SYT12: variants seen among roughly 807,000 people sequenced by gnomAD.
The protein encoded by SYT12 is synaptotagmin 12.
SYT12 carries 27 observed loss-of-function variants against 39.5 expected under a neutral mutation model. The ratio of observed to expected loss-of-function variants is 0.68; its 90% CI spans 0.50 to 0.94. SYT12 has a LOEUF of 0.94. Among genes scored for constraint, SYT12 ranks in the 40% least tolerant of loss-of-function variants. SYT12 has a pLI of 0.00. For synonymous variants in SYT12, 233 were observed against 239.7 expected (o/e 0.97, Z 0.26); for missense variants, 536 against 572.6 (o/e 0.94, Z 0.65).
chr11:67,048,772 C>A lies in SYT12; in HGVS notation c.*15C>A. 6.3e-7 allele frequency: 1 copy of A among 1,586,492 alleles called. No homozygotes were observed. Among genetic ancestry groups the A allele is most frequent in the South Asian group, 1.1e-5 (1 of 90,482 alleles). ...GGCGAAACTAGCAACCAGGGCGGGC[C>A]AGTTGGGCAATGGAGCTGCTGGAGC... On this transcript the variant is annotated 3_prime_UTR_variant, in exon 8 of 8. Coordinates refer to ENST00000527043, the MANE Select transcript of SYT12 (RefSeq NM_177963.4).
intron 2 of SYT12, among the ~76,000 whole-genome samples, chr11:67,033,106 G>A (rs1381433738): frequency 1.3e-5 from 2 of 152,022 alleles, no homozygotes; most frequent in East Asian, 1.9e-4. Flanking sequence ...GGGCTTCAGG[G>A]CAGCAGTGAT....
chr11:67,050,402 G>A lies in SYT12; in HGVS notation c.*1645G>A, dbSNP rs1467650341. On this transcript the variant is annotated 3_prime_UTR_variant, in exon 8 of 8. Transcript: ENST00000527043. ...TGCCCCTGTTCCTTGGTCCATAACT[G>A]GTGAGCTATGGAGACCCAGGCCAAC... The A allele has an allele frequency of 6.6e-6, 1 of 152,546 alleles. No homozygotes were observed. The highest frequency in any genetic ancestry group is 1.5e-5 in the Non-Finnish European group (1 of 68,298). The allele number at this position is 152,546 out of a possible 1,614,324, so 9.4% of individuals were successfully genotyped here. A position where few individuals can be genotyped will look rare whatever the true frequency, so the allele number is the denominator to read the frequency against.
In SYT12 at chr11:67,048,572, C is replaced by T. The variant is rs773260568; in HGVS notation, c.1093-12C>T. 6.3e-7 allele frequency: 1 copy of T among 1,588,720 alleles called. No homozygotes were observed. ...CCCCTGGTCCTCAGCACCCATGTTGCCTCTTCCTCAGGACCTGTCTCTCCG... is the reference window on the plus strand; with the variant it reads ...CCCCTGGTCCTCAGCACCCATGTTGTCTCTTCCTCAGGACCTGTCTCTCCG... On this transcript the variant is annotated splice_polypyrimidine_tract_variant and intron_variant, in intron 7 of 7. Coordinates refer to ENST00000527043, the MANE Select transcript of SYT12 (RefSeq NM_177963.4).
In SYT12 at chr11:67,017,300, TC is replaced by T. The variant is rs1950065787; in HGVS notation, c.-68-4568del. On this transcript the variant is annotated intron_variant, in intron 3 of 10. Transcript: ENST00000393946. ...ACTTTGGGAGGCGGAGGCAGAAAGA[TC>T]ATTTGAGCCCGGGAGTTCAAGACCA... 2.0e-5 allele frequency among the ~76,000 whole-genome samples: 3 copies of T among 151,646 alleles called. No homozygotes were observed. The South Asian group carries it at 6.2e-4, about 32-fold the overall frequency.
rs561827185 is a variant in SYT12, at chr11:67,034,785, T to C, written c.175T>C (p.Tyr59His). Reference protein sequence around the residue: ...PSPSPFPNYDYRYLQQKYGES... With the variant: ...PSPSPFPNYDHRYLQQKYGES... ...CCCCTCTCCGTTCCCCAATTACGAC[T>C]ACAGGTACCTTCAGCAGAAGTACGG... The change falls in exon 3 of 8, where the codon TAC becomes CAC. Residue 59 changes from tyrosine to histidine, a missense_variant. Physicochemically the swap from Tyr to His is moderately conservative, Grantham distance 83. Transcript: ENST00000527043. 3.1e-6 allele frequency: 5 copies of C among 1,595,576 alleles called. No individual in the cohort carries two copies. The highest frequency in any genetic ancestry group is 4.3e-6 in the Non-Finnish European group (5 of 1,173,392).
intron 1 of SYT12, among the ~76,000 whole-genome samples, chr11:67,009,218 C>T (rs1006670140): frequency 3.3e-5 from 5 of 151,834 alleles, no homozygotes; most frequent in Admixed American, 3.3e-4. Flanking sequence ...GTTGTCTAGG[C>T]TGGTCCTGAA....
chr11:67,032,468 A>T (rs1243707449), intron 2 of SYT12: 1 of 152,220 alleles, frequency 6.6e-6, no homozygotes, highest in Non-Finnish European at 1.5e-5. Context: ...TTCCAAACGG[A>T]GTATGAAGCC....
intron 3 of SYT12, among the ~76,000 whole-genome samples, chr11:67,038,158 T>TATTC (rs1332480573): frequency 4.8e-4 from 73 of 150,842 alleles, no homozygotes; most frequent in African/African-American, 1.6e-3. Context: ...TTTATTTATT[T>TATTC]ATTTATTTAT....
intron 4 of SYT12, among the ~76,000 whole-genome samples, chr11:67,043,167 C>T (rs537035501): frequency 4.6e-5 from 7 of 152,308 alleles, no homozygotes; most frequent in African/African-American, 4.8e-5. Flanking sequence ...GGCCCAACCT[C>T]GCCTAGTCCT....
At chr11:67,035,919 C>G (rs1463556097) in intron 3 of SYT12, among the ~76,000 whole-genome samples, 1 of 103,684 alleles carries the variant, frequency 9.6e-6, no homozygotes, top group Non-Finnish European at 1.9e-5. Flanking sequence ...TCCTTCCTTT[C>G]TTTTCTTTCT....
intron 3 of SYT12, among the ~76,000 whole-genome samples, chr11:67,013,378 G>A (rs1433334635): frequency 1.3e-5 from 2 of 152,130 alleles, no homozygotes; most frequent in Non-Finnish European, 2.9e-5. Context: ...TCCTCAGGGC[G>A]CTGGTGCTCA....
intron 1 of SYT12, 77 bp from the exon 2 acceptor site, chr11:67,030,045 G>T: frequency 7.2e-7 from 1 of 1,387,726 alleles, no homozygotes; most frequent in South Asian, 1.2e-5. Context: ...AGGCACGTGG[G>T]TGCCAGGAGG....
intron 3 of SYT12, among the ~76,000 whole-genome samples, chr11:67,039,367 T>C (rs1188799118): frequency 6.6e-6 from 1 of 151,564 alleles, no homozygotes; most frequent in Non-Finnish European, 1.5e-5. Context: ...TCCCAGCACT[T>C]TGGGAGGCCG....
intron 3 of SYT12, among the ~76,000 whole-genome samples, chr11:67,012,000 T>C (rs1256585141): frequency 6.6e-6 from 1 of 150,884 alleles, no homozygotes; most frequent in Admixed American, 6.6e-5. Flanking sequence ...CCTGACCTTG[T>C]GATCCACCCA....
intron 3 of SYT12, among the ~76,000 whole-genome samples, chr11:67,035,880 TTCCC>T (rs1175391275): frequency 3.6e-4 from 41 of 115,350 alleles, no homozygotes; most frequent in African/African-American, 1.2e-3. Context: ...CTTTCTTTCT[TTCCC>T]TCCCTCCCTC....
Position 67,043,872 on chromosome 11 carries a change from C to T in SYT12, c.837+19C>T, listed in dbSNP as rs368528977. 9 of 1,610,946 alleles carry T rather than the reference C, an allele frequency of 5.6e-6. No individual in the cohort carries two copies. Among genetic ancestry groups the T allele is most frequent in the East Asian group, 2.2e-5 (1 of 44,886 alleles). On this transcript the variant is annotated intron_variant, in intron 5 of 7. Transcript: ENST00000527043. Reference sequence around the variant, plus strand: ...GAACAAGGTAAGTGACTTGCCTGCTCGTCCACCTCGGAAGAGCGTGCACAC... The same window carrying T: ...GAACAAGGTAAGTGACTTGCCTGCTTGTCCACCTCGGAAGAGCGTGCACAC...
Position 67,043,775 on chromosome 11 carries a change from G to A in SYT12, c.759G>A (p.Val253=). ...ATGAGCGCAACGTCAGCACGGGGGTGGTGGAGCTGAAGCTTTCTGTGCTTG... is the reference window on the plus strand; with the variant it reads ...ATGAGCGCAACGTCAGCACGGGGGTAGTGGAGCTGAAGCTTTCTGTGCTTG... ...DEDERNVSTG[V]VELKLSVLDL... is the part of the protein sequence containing the mutation. Residue 253 remains valine, a synonymous_variant, in exon 5 of 8, where the codon GTG becomes GTA. Coordinates refer to ENST00000527043, the MANE Select transcript of SYT12 (RefSeq NM_177963.4). The A allele has an allele frequency of 1.9e-6, 3 of 1,614,138 alleles. No individual in the cohort carries two copies. The highest frequency in any genetic ancestry group is 1.1e-5 in the South Asian group (1 of 91,082).
intron 7 of SYT12, among the ~76,000 whole-genome samples, chr11:67,047,787 T>TC: frequency 9.4e-6 from 1 of 106,444 alleles, no homozygotes; most frequent in African/African-American, 4.3e-5. Context: ...CTTTTTTTTT[T>TC]TTTTTTTTTT....
chr11:67,036,527 A>G (rs1236042516), intron 3 of SYT12, among the ~76,000 whole-genome samples: 2 of 152,222 alleles, frequency 1.3e-5, no homozygotes, highest in Non-Finnish European at 2.9e-5. Context: ...AATGTCATGT[A>G]GAGTTCCAGA....
Sources: allele counts gnomAD v4.1 joint callset (sites outside exome capture counted in the v4.1 genomes callset), GRCh38; gene constraint gnomAD v4.1.1; transcripts MANE v1.5; gene names NCBI Gene and HGNC (gene_info 2026-07-23, HGNC 2026-07-21).